KCNA2: variants seen among roughly 807,000 people sequenced by gnomAD.
KCNA2 encodes potassium voltage-gated channel subfamily A member 2.
Under a neutral mutation model 33.4 loss-of-function variants are expected in KCNA2, and 11 were observed. That is an observed-to-expected ratio of 0.33 (90% CI 0.21 to 0.55). The LOEUF (loss-of-function observed/expected upper bound fraction) is 0.55. KCNA2 is among the 20% of genes least tolerant of loss of function. KCNA2 has a pLI of 0.93. For missense variants in KCNA2, 291 were observed against 621.6 expected, an observed-to-expected ratio of 0.47 and a Z score of 5.66; for synonymous variants, 222 against 231.3, an observed-to-expected ratio of 0.96 and a Z score of 0.37.
intron 1 of KCNA2, among the ~76,000 whole-genome samples, chr1:110,630,904 C>T (rs1650538092): frequency 1.3e-5 from 2 of 152,282 alleles, no homozygotes; most frequent in South Asian, 2.1e-4. Context: ...CAGCCAGCCC[C>T]GGAACCACTA....
rs1224844680 is a variant in KCNA2, at chr1:110,600,999, TC to T, written c.*2283del. The stretch of plus-strand genomic sequence containing the variant: ...TGTTTGGGAAAATTAAGCTACTCCG[TC>T]AAAAGGCAAAGACGCCCAGTCTGGT... On this transcript the variant is annotated 3_prime_UTR_variant, in exon 3 of 3. Coordinates refer to ENST00000316361, the MANE Select transcript of KCNA2 (RefSeq NM_004974.4). 8.1e-6 allele frequency: 8 copies of T among 985,518 alleles called. No individual in the cohort carries two copies. Among genetic ancestry groups the T allele is most frequent in the Non-Finnish European group, 9.6e-6 (8 of 830,028 alleles). 61.0% of individuals were successfully genotyped at this position (985,518 alleles called of 1,614,324 possible).
rs892442149 is a variant in KCNA2, at chr1:110,599,319, T to C, written c.*3964A>G. On this transcript the variant is annotated 3_prime_UTR_variant, in exon 3 of 3. Transcript: ENST00000316361. ...GGTAATCTTAGAAAGTATTTAAATA[T>C]GGCCTTAGAATATAGGATAAAGTCA... 10 of 983,384 alleles carry C rather than the reference T, an allele frequency of 1.0e-5. No individual in the cohort carries two copies. The highest frequency in any genetic ancestry group is 1.2e-5 in the Non-Finnish European group (10 of 828,152). 60.9% of individuals were successfully genotyped at this position (983,384 alleles called of 1,614,324 possible).
Position 110,604,908 on chromosome 1 carries a change from G to A in KCNA2, c.-126C>T, listed in dbSNP as rs12142824. 0.022 allele frequency: 18,811 copies of A among 866,808 alleles called. 283 individuals are homozygous for A. The highest frequency in any genetic ancestry group is 0.028 in the Non-Finnish European group (15,494 of 549,796). The allele number at this position is 866,808 out of a possible 1,614,324, so 53.7% of individuals were successfully genotyped here. A position where few individuals can be genotyped will look rare whatever the true frequency, so the allele number is the denominator to read the frequency against. On this transcript the variant is annotated 5_prime_UTR_variant, in exon 3 of 3. Coordinates refer to ENST00000316361, the MANE Select transcript of KCNA2 (RefSeq NM_004974.4). This position sits in a 1 kb window ranked among gnomAD's most constrained non-coding sequence, Gnocchi z 7.6. ...GCCTGGTCTCCTGCAGGAGAGCCCCGAGAGCTCTCTGAGAGCTGGAGAGAC... is the reference window on the plus strand; with the variant it reads ...GCCTGGTCTCCTGCAGGAGAGCCCCAAGAGCTCTCTGAGAGCTGGAGAGAC...
rs889441790 is a variant in KCNA2 at position 110,594,844 on chromosome 1, C to T, written c.*8439G>A. The T allele has an allele frequency of 1.3e-5, 13 of 984,934 alleles. No individual in the cohort carries two copies. The African/African-American group carries it at 2.3e-4, about 17-fold the overall frequency. The allele number at this position is 984,934 out of a possible 1,614,324, so 61.0% of individuals were successfully genotyped here. A position where few individuals can be genotyped will look rare whatever the true frequency, so the allele number is the denominator to read the frequency against. ...GCTGATGTGCTCCTTTCCAGCCCCA[C>T]CTGGCAGGTCAAAGTCCTTGCCCTA... On this transcript the variant is annotated 3_prime_UTR_variant, in exon 3 of 3. Transcript: ENST00000316361.
chr1:110,623,166 C>T (rs945747448), intron 1 of KCNA2, among the ~76,000 whole-genome samples: 6 of 152,102 alleles, frequency 3.9e-5, no homozygotes, highest in Non-Finnish European at 7.4e-5. Context: ...TTGATTCACA[C>T]GTATATGGAC....
rs1649426886 is a variant in KCNA2 at position 110,603,063 on chromosome 1, T to C, written c.*220A>G. The C allele has an allele frequency of 7.1e-7, 1 of 1,398,728 alleles. No individual in the cohort carries two copies. The allele number at this position is 1,398,728 out of a possible 1,614,324, so 86.6% of individuals were successfully genotyped here. On this transcript the variant is annotated 3_prime_UTR_variant, in exon 3 of 3. Transcript: ENST00000316361. The surrounding 1 kb of genome is among the most constrained non-coding windows in gnomAD (Gnocchi z 5.7). The stretch of plus-strand genomic sequence containing the variant: ...ATCCTAGCTTGATAGGTGACTCCCG[T>C]CTTTGGAAGTTCATAAGCCGGTGAT...
Position 110,602,100 on chromosome 1 carries a change from G to A in KCNA2, c.*1183C>T, listed in dbSNP as rs990225164. ...GCCCGCGACTAGGTTAATTCCTAAG[G>A]TGCAGTCATGTGAGGTGTTCAGATG... On this transcript the variant is annotated 3_prime_UTR_variant, in exon 3 of 3. Transcript: ENST00000316361. The A allele has an allele frequency of 3.2e-6, 5 of 1,550,352 alleles. No individual in the cohort carries two copies. In the African/African-American group the frequency reaches 6.8e-5, roughly 21 times the overall value.
chr1:110,596,776 G>A lies in KCNA2; in HGVS notation c.*6507C>T, dbSNP rs1649114905. 1.5e-5 allele frequency: 15 copies of A among 985,424 alleles called. No homozygotes were observed. Among genetic ancestry groups the A allele is most frequent in the Non-Finnish European group, 1.7e-5 (14 of 829,924 alleles). 61.0% of individuals were successfully genotyped at this position (985,424 alleles called of 1,614,324 possible). A position where few individuals can be genotyped will look rare whatever the true frequency, so the allele number is the denominator to read the frequency against. ...ATAACCAAAATTGCAAAGCAATCAG[G>A]ATGTTCCTGTCCCTGAGGTTTCCCC... is the stretch of plus-strand genomic sequence containing the variant. On this transcript the variant is annotated 3_prime_UTR_variant, in exon 3 of 3. Transcript: ENST00000316361.
chr1:110,601,190 G>A lies in KCNA2; in HGVS notation c.*2093C>T, dbSNP rs185291049. 3.0e-6 allele frequency: 3 copies of A among 985,378 alleles called. No homozygotes were observed. Among genetic ancestry groups the A allele is most frequent in the East Asian group, 2.3e-4 (2 of 8,810 alleles). The allele number at this position is 985,378 out of a possible 1,614,324, so 61.0% of individuals were successfully genotyped here. A position where few individuals can be genotyped will look rare whatever the true frequency, so the allele number is the denominator to read the frequency against. On this transcript the variant is annotated 3_prime_UTR_variant, in exon 3 of 3. Coordinates refer to ENST00000316361, the MANE Select transcript of KCNA2 (RefSeq NM_004974.4). ...GCAGCTCTGGTTGCCAGTTTAATGG[G>A]GAGAGAGTTTGGGTCTGGAGATCAA...
intron 1 of KCNA2, among the ~76,000 whole-genome samples, chr1:110,617,899 T>C (rs1650119573): frequency 6.6e-6 from 1 of 152,134 alleles, no homozygotes; most frequent in South Asian, 2.1e-4. Context: ...CTGTTCCTTG[T>C]CAACAGGGCA....
intron 1 of KCNA2, among the ~76,000 whole-genome samples, chr1:110,616,578 C>T (rs1050891554): frequency 3.3e-5 from 5 of 152,180 alleles, no homozygotes; most frequent in South Asian, 4.1e-4. Flanking sequence ...TGGGAACAAC[C>T]GAGCCAGGGT....
intron 1 of KCNA2, among the ~76,000 whole-genome samples, chr1:110,615,505 T>C (rs181918580): frequency 9.2e-5 from 14 of 152,320 alleles, no homozygotes; most frequent in Admixed American, 9.1e-4. Context: ...TCTCCTGCTA[T>C]GAGGAGGTTG....
Position 110,605,373 on chromosome 1 carries a change from A to C in KCNA2, c.-164+18T>G, listed in dbSNP as rs2101407671. The stretch of plus-strand genomic sequence containing the variant: ...GTGATTCTACACAAGGCTGTTATTA[A>C]ATGATAGATTGATTTACCTGACCAG... On this transcript the variant is annotated intron_variant, in intron 2 of 2. Transcript: ENST00000316361. The C allele has an allele frequency of 6.5e-6, 1 of 153,072 alleles. No homozygotes were observed. Among genetic ancestry groups the C allele is most frequent in the South Asian group, 2.1e-4 (1 of 4,842 alleles). The allele number at this position is 153,072 out of a possible 1,614,324, so 9.5% of individuals were successfully genotyped here.
In KCNA2 at chr1:110,603,865, C is replaced by T. The variant is rs1422813795; in HGVS notation, c.918G>A (p.Lys306=). The T allele has an allele frequency of 3.7e-6, 6 of 1,614,172 alleles. No individual in the cohort carries two copies. Among genetic ancestry groups the T allele is most frequent in the Non-Finnish European group, 5.1e-6 (6 of 1,180,022 alleles). The part of the protein sequence containing the change: ...IRLVRVFRIF[K]LSRHSKGLQI... The stretch of plus-strand genomic sequence containing the variant: ...GGAGACCTTTGGAGTGTCTGGACAA[C>T]TTGAAAATCCTAAAGACTCTTACCA... The change falls in exon 3 of 3, where the codon AAG becomes AAA. Residue 306 remains lysine (K), a synonymous_variant. Coordinates refer to ENST00000316361, the MANE Select transcript of KCNA2 (RefSeq NM_004974.4). The surrounding 1 kb of genome is among the most constrained non-coding windows in gnomAD (Gnocchi z 5.7).
Position 110,603,361 on chromosome 1 carries a change from C to G in KCNA2, c.1422G>C (p.Glu474Asp). The change falls in exon 3 of 3, where the codon GAG becomes GAC. Residue 474 changes from glutamate to aspartate, a missense_variant. By Grantham distance (45) the Glu-to-Asp change is conservative. This residue lies in a region of KCNA2 where 65 missense variants were observed against 95.1 expected (regional missense o/e 0.68). Transcript: ENST00000316361. The surrounding 1 kb of genome is among the most constrained non-coding windows in gnomAD (Gnocchi z 5.7). ...TACAGTTGGCTGTTTTCAAGTTTTC[C>G]TCTCTAAAGTCCTCATTACTGTTAT... Reference protein sequence around the residue: ...GVNNSNEDFREENLKTANCTL... With the variant: ...GVNNSNEDFRDENLKTANCTL... The G allele has an allele frequency of 6.2e-7, 1 of 1,613,968 alleles. No homozygotes were observed. Among genetic ancestry groups the G allele is most frequent in the Non-Finnish European group, 8.5e-7 (1 of 1,179,976 alleles).
rs895294680 is a variant in KCNA2, at chr1:110,597,205, A to G, written c.*6078T>C. 19 of 985,468 alleles carry G rather than the reference A, an allele frequency of 1.9e-5. No homozygotes were observed. The African/African-American group carries it at 3.3e-4, about 17-fold the overall frequency. The allele number at this position is 985,468 out of a possible 1,614,324, so 61.0% of individuals were successfully genotyped here. A position where few individuals can be genotyped will look rare whatever the true frequency, so the allele number is the denominator to read the frequency against. The stretch of plus-strand genomic sequence containing the variant: ...CTACTGATCCCAAGTGCAAACCTCC[A>G]GGCCACATTCCCTCAGCATCCGTCT... On this transcript the variant is annotated 3_prime_UTR_variant, in exon 3 of 3. Coordinates refer to ENST00000316361, the MANE Select transcript of KCNA2 (RefSeq NM_004974.4).
At chr1:110,629,344 T>G (rs772980987) in intron 1 of KCNA2, among the ~76,000 whole-genome samples, 1 of 152,186 alleles carries the variant, frequency 6.6e-6, no homozygotes, top group Non-Finnish European at 1.5e-5. Context: ...GTTTTGGAAA[T>G]GCATTTTTAT....
rs1648973819 is a variant in KCNA2, at chr1:110,593,942, A to C, written c.*9341T>G. Reference sequence around the variant, plus strand: ...TACAGCTGGTGTCTAAATTTTCAAGAAGCAAACAAATAGTTAAATGACTCC... The same window carrying C: ...TACAGCTGGTGTCTAAATTTTCAAGCAGCAAACAAATAGTTAAATGACTCC... On this transcript the variant is annotated 3_prime_UTR_variant, in exon 3 of 3. Transcript: ENST00000316361. 6.5e-7 allele frequency: 1 copy of C among 1,549,664 alleles called. No homozygotes were observed. Among genetic ancestry groups the C allele is most frequent in the Non-Finnish European group, 8.7e-7 (1 of 1,146,622 alleles).
Position 110,596,944 on chromosome 1 carries a change from C to T in KCNA2, c.*6339G>A. The T allele has an allele frequency of 1.0e-6, 1 of 985,450 alleles. No homozygotes were observed. Among genetic ancestry groups the T allele is most frequent in the Non-Finnish European group, 1.2e-6 (1 of 829,934 alleles). The allele number at this position is 985,450 out of a possible 1,614,324, so 61.0% of individuals were successfully genotyped here. A position where few individuals can be genotyped will look rare whatever the true frequency, so the allele number is the denominator to read the frequency against. Reference sequence around the variant, plus strand: ...CTCACAGATGTTAGGAAAGGGGACTCTTCTGAAGCCCCTGGCTATGTGTGC... The same window carrying T: ...CTCACAGATGTTAGGAAAGGGGACTTTTCTGAAGCCCCTGGCTATGTGTGC... On this transcript the variant is annotated 3_prime_UTR_variant, in exon 3 of 3. Coordinates refer to ENST00000316361, the MANE Select transcript of KCNA2 (RefSeq NM_004974.4).
Sources: allele counts gnomAD v4.1 joint callset (sites outside exome capture counted in the v4.1 genomes callset), GRCh38; gene constraint gnomAD v4.1.1; regional missense constraint gnomAD v4.1.1; non-coding constraint Gnocchi (gnomAD v3.1); transcripts MANE v1.5; gene names NCBI Gene and HGNC (gene_info 2026-07-23, HGNC 2026-07-21).